ABHD17C: variants seen among roughly 807,000 people sequenced by gnomAD.
ABHD17C encodes abhydrolase domain containing 17C, depalmitoylase, also known as alpha/beta hydrolase domain-containing protein 17C.
ABHD17C carries 11 observed loss-of-function variants against 27.9 expected under a neutral mutation model. The observed-to-expected ratio is 0.39, with a 90% confidence interval of 0.25 to 0.65. The LOEUF is 0.65. Ranked by LOEUF, ABHD17C falls within the 30% of genes least tolerant of loss-of-function variation. The probability of loss-of-function intolerance (pLI) is 0.45; values close to 1 mark genes in which losing one functional copy is unlikely to be tolerated. For synonymous variants in ABHD17C, 233 were observed against 209.1 expected (o/e 1.11, Z -0.98); for missense variants, 280 against 470.2 (o/e 0.60, Z 3.74).
intron 1 of ABHD17C, among the ~76,000 whole-genome samples, chr15:80,737,895 A>G (rs139342790): frequency 4.1e-4 from 62 of 152,310 alleles, no homozygotes; most frequent in African/African-American, 1.4e-3. Context: ...GATTGTGGAC[A>G]TGGACTTTTA....
At chr15:80,749,444 G>A (rs909126248) in intron 1 of ABHD17C, 69 bp from the exon 2 acceptor site, 36 of 1,514,552 alleles carry the variant, frequency 2.4e-5, no homozygotes, top group Middle Eastern at 1.9e-4. Context: ...TTTAAGAGGC[G>A]GGTTTCTCTG....
chr15:80,707,220 A>T (rs753311678), intron 1 of ABHD17C, among the ~76,000 whole-genome samples: 1 of 152,192 alleles, frequency 6.6e-6, no homozygotes, highest in Non-Finnish European at 1.5e-5. Flanking sequence ...GGAAAGGGAA[A>T]TGGGAAAGTG....
Position 80,755,414 on chromosome 15 carries a change from T to C in ABHD17C, c.*1044T>C, listed in dbSNP as rs909936426. On this transcript the variant is annotated 3_prime_UTR_variant, in exon 3 of 3. Coordinates refer to ENST00000258884, the MANE Select transcript of ABHD17C (RefSeq NM_021214.2). ...AATAAGCATCAGAAATAGGAGATGC[T>C]TAACATTGCTATACTACTTGTGTTG... The C allele has an allele frequency of 7.9e-5, 12 of 152,226 alleles. No individual in the cohort carries two copies. The highest frequency in any genetic ancestry group is 2.9e-4 in the African/African-American group (12 of 41,462). The allele number at this position is 152,226 out of a possible 1,614,324, so 9.4% of individuals were successfully genotyped here.
chr15:80,752,668 G>A (rs1596075766), intron 2 of ABHD17C, among the ~76,000 whole-genome samples: 1 of 152,164 alleles, frequency 6.6e-6, no homozygotes, highest in African/African-American at 2.4e-5. Context: ...GTACTAATTG[G>A]TATCCTTTTG....
intron 1 of ABHD17C, among the ~76,000 whole-genome samples, chr15:80,696,308 G>T (rs1596056122): frequency 6.6e-6 from 1 of 152,212 alleles, no homozygotes; most frequent in South Asian, 2.1e-4. Context: ...TGGGTCTTTT[G>T]TGGCTCCGGT....
At chr15:80,748,770 A>C (rs1895326443) in intron 1 of ABHD17C, among the ~76,000 whole-genome samples, 1 of 149,862 alleles carries the variant, frequency 6.7e-6, no homozygotes, top group African/African-American at 2.5e-5. Context: ...GGCGGAAGGC[A>C]TGGGGAATGC....
chr15:80,725,643 G>A (rs1256591675), intron 1 of ABHD17C, among the ~76,000 whole-genome samples: 1 of 152,052 alleles, frequency 6.6e-6, no homozygotes, highest in African/African-American at 2.4e-5. Context: ...TTCCTGAGTA[G>A]CTAGGACTAC....
At chr15:80,715,220 A>G (rs1035664362) in intron 1 of ABHD17C, among the ~76,000 whole-genome samples, 2 of 152,244 alleles carry the variant, frequency 1.3e-5, no homozygotes, top group African/African-American at 4.8e-5. Flanking sequence ...GGAAGGAAAG[A>G]ATTGCAATGG....
chr15:80,703,499 A>G (rs1426662159), intron 1 of ABHD17C: 1 of 152,138 alleles, frequency 6.6e-6, no homozygotes, highest in African/African-American at 2.4e-5. Context: ...TTTTAGGGAA[A>G]CCACCTAATG....
intron 1 of ABHD17C, among the ~76,000 whole-genome samples, chr15:80,715,226 AATGGCCATTCAG>A (rs1401381584): frequency 1.3e-5 from 2 of 152,246 alleles, no homozygotes; most frequent in Admixed American, 1.3e-4. Context: ...AAAGAATTGC[AATGGCCATTCAG>A]ATTCCTCTCA....
chr15:80,746,300 T>G (rs1327097638), intron 1 of ABHD17C, among the ~76,000 whole-genome samples: 1 of 152,170 alleles, frequency 6.6e-6, no homozygotes, highest in Non-Finnish European at 1.5e-5. Context: ...TCTTATTGAT[T>G]TGTAGTAGTT....
At position 80,701,260 on chromosome 15, in the gene ABHD17C, C is replaced by T. The variant is rs911189524; in HGVS notation, c.590+5241C>T. On this transcript the variant is annotated intron_variant, in intron 1 of 2. Transcript: ENST00000258884. ...TTCTCCTCCAGTAGCAAGTTACTTT[C>T]CTGGGCATGTTGAAGTTAATAACCT... Among the ~76,000 whole-genome samples the T allele has an allele frequency of 6.6e-5, 10 of 152,214 alleles. 1 individual carries two copies. The highest frequency in any genetic ancestry group is 6.5e-5 in the Admixed American group (1 of 15,286).
chr15:80,707,506 A>G (rs1481431534), intron 1 of ABHD17C, among the ~76,000 whole-genome samples: 1 of 152,146 alleles, frequency 6.6e-6, no homozygotes, highest in Non-Finnish European at 1.5e-5. Context: ...CCACATTGGA[A>G]GAAGAATTGT....
intron 1 of ABHD17C, among the ~76,000 whole-genome samples, chr15:80,734,619 G>A (rs1252689304): frequency 6.6e-6 from 1 of 152,164 alleles, no homozygotes; most frequent in Non-Finnish European, 1.5e-5. Flanking sequence ...TTAAAATGAA[G>A]TCATCATGTC....
intron 1 of ABHD17C, among the ~76,000 whole-genome samples, chr15:80,738,043 TTTATA>T (rs1446862160): frequency 6.6e-6 from 1 of 151,304 alleles, no homozygotes; most frequent in Non-Finnish European, 1.5e-5. Context: ...AGTGGGACAG[TTTATA>T]TAGATAGAAT....
intron 1 of ABHD17C, among the ~76,000 whole-genome samples, chr15:80,711,248 C>T (rs1321919878): frequency 6.6e-6 from 1 of 152,162 alleles, no homozygotes; most frequent in Non-Finnish European, 1.5e-5. Context: ...TGTTGAGGAT[C>T]GGATGCTCGC....
chr15:80,744,218 C>A (rs1895252551), intron 1 of ABHD17C, among the ~76,000 whole-genome samples: 1 of 152,068 alleles, frequency 6.6e-6, no homozygotes, highest in Admixed American at 6.5e-5. Context: ...ATCCGCACAC[C>A]CACTGAATCA....
intron 1 of ABHD17C, among the ~76,000 whole-genome samples, chr15:80,731,728 G>C (rs1035538141): frequency 6.6e-6 from 1 of 151,390 alleles, no homozygotes; most frequent in Admixed American, 6.6e-5. Context: ...AAATTTTACT[G>C]TTTACTGTTT....
chr15:80,750,911 T>C (rs375691022), intron 2 of ABHD17C, among the ~76,000 whole-genome samples: 138 of 152,112 alleles, frequency 9.1e-4, no homozygotes, highest in African/African-American at 3.2e-3. Flanking sequence ...TAAATTAGCA[T>C]ATACCTTAAA....
Sources: allele counts gnomAD v4.1 joint callset (sites outside exome capture counted in the v4.1 genomes callset), GRCh38; gene constraint gnomAD v4.1.1; transcripts MANE v1.5; gene names NCBI Gene and HGNC (gene_info 2026-07-23, HGNC 2026-07-21).